IL37: variants seen among roughly 807,000 people sequenced by gnomAD.
The protein encoded by IL37 is interleukin-37.
Under a neutral mutation model 15.4 loss-of-function variants are expected in IL37, and 15 were observed. The ratio of observed to expected loss-of-function variants is 0.98; its 90% CI spans 0.65 to 1.50. The LOEUF is 1.50. IL37 is among the 40% of genes most tolerant of loss of function. The probability of loss-of-function intolerance (pLI) is 0.00; values close to 1 mark genes in which losing one functional copy is unlikely to be tolerated. For synonymous variants in IL37, 98 were observed against 97.4 expected (o/e 1.01, Z -0.03); for missense variants, 269 against 261.7 (o/e 1.03, Z -0.19).
intron 3 of IL37, among the ~76,000 whole-genome samples, chr2:112,916,570 C>T: frequency 6.6e-6 from 1 of 152,182 alleles, no homozygotes; most frequent in Non-Finnish European, 1.5e-5. Context: ...CTGGGGGCTT[C>T]CTGCCTCCAA....
chr2:112,915,326 G>A, intron 3 of IL37: 1 of 1,317,566 alleles, frequency 7.6e-7, no homozygotes, highest in Non-Finnish European at 1.1e-6. Context: ...GTCTCACCCT[G>A]GACTAACTGA....
chr2:112,917,813 T>C (rs1683354472), intron 5 of IL37, 36 bp downstream of exon 5: 1 of 1,611,376 alleles, frequency 6.2e-7, no homozygotes, highest in Non-Finnish European at 8.5e-7. Flanking sequence ...GGCCTTTGGC[T>C]ACCCCAAAGT....
At chr2:112,913,693 C>T (rs2104974249) in intron 2 of IL37, 99 bp from the exon 3 acceptor site, 5 of 874,010 alleles carry the variant, frequency 5.7e-6, no homozygotes, top group Non-Finnish European at 9.4e-6. Flanking sequence ...TAGTATTTCT[C>T]AGCACATACA....
At chr2:112,917,978 C>T (rs1683359035) in intron 5 of IL37, among the ~76,000 whole-genome samples, 1 of 152,232 alleles carries the variant, frequency 6.6e-6, no homozygotes, top group Admixed American at 6.5e-5. Flanking sequence ...GGAGAGACTC[C>T]TCACAGCGGG....
rs773548052 is a variant in IL37, at chr2:112,918,854, G to A, written c.*45G>A. On this transcript the variant is annotated 3_prime_UTR_variant, in exon 6 of 6. Coordinates refer to ENST00000263326, the MANE Select transcript of IL37 (RefSeq NM_014439.4). Reference sequence around the variant, plus strand: ...CCTTCCTCGCTAATTTGAACTAATTGTATAAAAACACCAAACCTGCTCACT... The same window carrying A: ...CCTTCCTCGCTAATTTGAACTAATTATATAAAAACACCAAACCTGCTCACT... 1.3e-6 allele frequency: 2 copies of A among 1,572,166 alleles called. No individual in the cohort carries two copies. The highest frequency in any genetic ancestry group is 4.5e-5 in the East Asian group (2 of 44,360).
chr2:112,916,259 T>G (rs1235255898), intron 3 of IL37, among the ~76,000 whole-genome samples: 1 of 152,220 alleles, frequency 6.6e-6, no homozygotes, highest in Non-Finnish European at 1.5e-5. Flanking sequence ...CACCCATTCT[T>G]GACAGTCACT....
At position 112,918,709 on chromosome 2, in the gene IL37, C is replaced by T. The variant is rs1208432419; in HGVS notation, c.557C>T (p.Pro186Leu). 4 of 1,614,124 alleles carry T rather than the reference C, an allele frequency of 2.5e-6. No homozygotes were observed. The African/African-American group carries it at 4.0e-5, about 16-fold the overall frequency. Residue 186 changes from proline (P) to leucine (L), a missense_variant, in exon 6 of 6, where the codon CCT becomes CTT. By Grantham distance (98) the Pro-to-Leu change is moderately conservative (BLOSUM62 -3). Transcript: ENST00000263326. Reference sequence around the variant, plus strand: ...TGCACCTCCTGCAATTGTAATGAGCCTGTTGGGGTGACAGATAAATTTGAG... The same window carrying T: ...TGCACCTCCTGCAATTGTAATGAGCTTGTTGGGGTGACAGATAAATTTGAG... ...FICTSCNCNE[P>L]VGVTDKFENR...
In IL37 at chr2:112,917,156, A is replaced by G. The variant is rs1204694916; in HGVS notation, c.173A>G (p.Lys58Arg). ...TSPKVKNLNP[K>R]KFSIHDQDHK... Reference sequence around the variant, plus strand: ...CCAAAGGTGAAGAACTTAAACCCGAAGAAATTCAGCATTCATGACCAGGAT... The same window carrying G: ...CCAAAGGTGAAGAACTTAAACCCGAGGAAATTCAGCATTCATGACCAGGAT... Residue 58 changes from lysine to arginine, a missense_variant, in exon 4 of 6, where the codon AAG (lysine) becomes AGG (arginine). Coordinates refer to ENST00000263326, the MANE Select transcript of IL37 (RefSeq NM_014439.4). The G allele has an allele frequency of 2.5e-6, 4 of 1,614,128 alleles. No homozygotes were observed. Among genetic ancestry groups the G allele is most frequent in the Non-Finnish European group, 3.4e-6 (4 of 1,179,954 alleles).
At chr2:112,911,325 C>T (rs1476631109) in intron 1 of IL37, among the ~76,000 whole-genome samples, 77 bp downstream of exon 1, 3 of 152,122 alleles carry the variant, frequency 2.0e-5, no homozygotes, top group Non-Finnish European at 4.4e-5. Context: ...GCCATCTAGA[C>T]CCTTGCTTTT....
At chr2:112,911,642 C>A (rs1033021546) in intron 1 of IL37, among the ~76,000 whole-genome samples, 1 of 152,314 alleles carries the variant, frequency 6.6e-6, no homozygotes, top group African/African-American at 2.4e-5. Context: ...TTAGGGAATT[C>A]TGTGAAAGCT....
chr2:112,911,171 AG>A lies in IL37; in HGVS notation c.-126del. Among the ~76,000 whole-genome samples, 5 of 152,334 alleles carry A rather than the reference AG, an allele frequency of 3.3e-5. 1 individual carries two copies. The highest frequency in any genetic ancestry group is 1.2e-4 in the African/African-American group (5 of 41,566). On this transcript the variant is annotated 5_prime_UTR_variant, in exon 1 of 6. Coordinates refer to ENST00000263326, the MANE Select transcript of IL37 (RefSeq NM_014439.4). ...TACCAGACCTAGCTCCTTCAAGTAA[AG>A]GATCCTGAGAACTGAAGGCAAACAG...
chr2:112,913,263 G>T (rs1248434121), intron 2 of IL37, among the ~76,000 whole-genome samples, 169 bp downstream of exon 2: 1 of 152,170 alleles, frequency 6.6e-6, no homozygotes, highest in Non-Finnish European at 1.5e-5. Context: ...GAAGGGAAAA[G>T]GAAGCTTTGC....
intron 3 of IL37, among the ~76,000 whole-genome samples, chr2:112,915,514 G>A (rs937989349): frequency 3.3e-5 from 5 of 152,142 alleles, no homozygotes; most frequent in Admixed American, 6.5e-5. Flanking sequence ...CAGAGGCTTG[G>A]CACCACCCAC....
intron 3 of IL37, 85 bp downstream of exon 3, chr2:112,913,939 TGG>T: frequency 8.8e-7 from 1 of 1,136,948 alleles, no homozygotes; most frequent in African/African-American, 1.5e-5. Flanking sequence ...TCTTACAGGG[TGG>T]GAGAATTGTA....
At chr2:112,913,598 G>A (rs1683229769) in intron 2 of IL37, among the ~76,000 whole-genome samples, 194 bp from the exon 3 acceptor site, 1 of 152,218 alleles carries the variant, frequency 6.6e-6, no homozygotes, top group Middle Eastern at 3.2e-3. Flanking sequence ...ACATGCCAGA[G>A]GCCAAACCCG....
At chr2:112,918,439 G>T in intron 5 of IL37, 122 bp from the exon 6 acceptor site, 1 of 1,133,880 alleles carries the variant, frequency 8.8e-7, no homozygotes, top group South Asian at 1.7e-5. Context: ...TCTTTCCCAA[G>T]GACCATCTGC....
Position 112,917,885 on chromosome 2 carries a change from C to T in IL37, c.408+108C>T, listed in dbSNP as rs771632541. ...CAAATTCTTATCTTGGCCAATATAA[C>T]AGGGACATCCACCTTTCTGGAAGCA... On this transcript the variant is annotated intron_variant, in intron 5 of 5. Coordinates refer to ENST00000263326, the MANE Select transcript of IL37 (RefSeq NM_014439.4). 3.5e-6 allele frequency: 4 copies of T among 1,147,718 alleles called. No homozygotes were observed. In the Admixed American group the frequency reaches 7.3e-5, roughly 21 times the overall value. The allele number at this position is 1,147,718 out of a possible 1,614,324, so 71.1% of individuals were successfully genotyped here. A position where few individuals can be genotyped will look rare whatever the true frequency, so the allele number is the denominator to read the frequency against.
intron 5 of IL37, among the ~76,000 whole-genome samples, chr2:112,918,336 A>T (rs1038272220): frequency 3.3e-5 from 4 of 121,560 alleles, no homozygotes; most frequent in Non-Finnish European, 5.5e-5. Flanking sequence ...TCTCTCTCTC[A>T]GTTTATTTTT....
intron 3 of IL37, 89 bp from the exon 4 acceptor site, chr2:112,917,040 C>T (rs1683327105): frequency 6.8e-7 from 1 of 1,472,490 alleles, no homozygotes; most frequent in East Asian, 2.3e-5. Context: ...GGGTGGAGAG[C>T]TAGGGCTGGG....
Sources: gnomAD v4.1 joint callset for allele counts (sites outside exome capture counted in the v4.1 genomes callset) on GRCh38, gnomAD v4.1.1 for gene constraint, MANE v1.5 for transcripts, NCBI Gene and HGNC (gene_info 2026-07-23, HGNC 2026-07-21) for gene names.